Variants in PRKAR1B observed in about 807,000 individuals in gnomAD.
PRKAR1B encodes the protein cAMP-dependent protein kinase type I-beta regulatory subunit.
PRKAR1B carries 22 observed loss-of-function variants against 46.5 expected under a neutral mutation model. The ratio of observed to expected loss-of-function variants is 0.47; its 90% CI spans 0.34 to 0.68. The LOEUF (loss-of-function observed/expected upper bound fraction) is 0.68. PRKAR1B is among the 30% of genes least tolerant of loss of function. The pLI, the probability that PRKAR1B is intolerant of heterozygous loss-of-function variation, is 0.01. For synonymous variants in PRKAR1B, 259 were observed against 217.7 expected (o/e 1.19, Z -1.67); for missense variants, 445 against 535.6 (o/e 0.83, Z 1.67).
intron 9 of PRKAR1B, among the ~76,000 whole-genome samples, chr7:562,449 C>T (rs1299712399): frequency 2.0e-5 from 3 of 152,188 alleles, no homozygotes; most frequent in Admixed American, 6.5e-5. Context: ...TCCTCCCAGA[C>T]GACGGCAGAC....
At chr7:635,196 A>C (rs1415767411) in intron 4 of PRKAR1B, among the ~76,000 whole-genome samples, 4 of 152,256 alleles carry the variant, frequency 2.6e-5, no homozygotes, top group Non-Finnish European at 5.9e-5. Flanking sequence ...GGAAAAATCA[A>C]GATCTGACAC....
intron 4 of PRKAR1B, among the ~76,000 whole-genome samples, chr7:620,031 T>TC (rs1783032261): frequency 6.6e-6 from 1 of 150,942 alleles, no homozygotes; most frequent in Admixed American, 6.6e-5. Context: ...TTTTTTTTTT[T>TC]TTTTTAGAGA....
At chr7:607,888 G>A (rs1782197008) in intron 4 of PRKAR1B, 1 of 188,622 alleles carries the variant, frequency 5.3e-6, no homozygotes, top group South Asian at 9.7e-5. Flanking sequence ...AGTCGAAGGA[G>A]CCTGGGACCC....
chr7:684,875 G>GAC (rs142305067), intron 2 of PRKAR1B, among the ~76,000 whole-genome samples: 7,378 of 145,446 alleles, frequency 0.051, 251 homozygotes, highest in African/African-American at 0.099. Flanking sequence ...ACTTCACACA[G>GAC]ACACACACAC....
chr7:585,683 G>T (rs1281906844), intron 7 of PRKAR1B, among the ~76,000 whole-genome samples: 1 of 152,042 alleles, frequency 6.6e-6, no homozygotes, highest in Non-Finnish European at 1.5e-5. Flanking sequence ...GACCCACATC[G>T]ACCTCGCAAC....
At chr7:656,873 A>G (rs1042517057) in intron 4 of PRKAR1B, among the ~76,000 whole-genome samples, 2 of 151,772 alleles carry the variant, frequency 1.3e-5, no homozygotes, top group Admixed American at 6.6e-5. Flanking sequence ...GAATGGGTGA[A>G]CAGATGAATG....
intron 9 of PRKAR1B, among the ~76,000 whole-genome samples, chr7:578,258 G>A (rs577678078): frequency 2.3e-4 from 28 of 122,304 alleles, no homozygotes; most frequent in South Asian, 6.9e-4. Flanking sequence ...AATTCCTGCC[G>A]TGTCCTCAGG....
intron 9 of PRKAR1B, among the ~76,000 whole-genome samples, chr7:558,755 A>G (rs1317966316): frequency 6.6e-6 from 1 of 152,092 alleles, no homozygotes; most frequent in East Asian, 1.9e-4. Context: ...TCCATCTCAA[A>G]AAAAGAAAAA....
At chr7:553,500 C>G (rs1296095813) in intron 9 of PRKAR1B, among the ~76,000 whole-genome samples, 1 of 152,234 alleles carries the variant, frequency 6.6e-6, no homozygotes, top group East Asian at 1.9e-4. Context: ...AAGGTGGCAG[C>G]ACCTGCAGCC....
At chr7:669,634 C>G (rs1040118782) in intron 4 of PRKAR1B, among the ~76,000 whole-genome samples, 2 of 149,744 alleles carry the variant, frequency 1.3e-5, no homozygotes, top group African/African-American at 4.9e-5. Flanking sequence ...TGTGGTGGCG[C>G]ACACCTGTAA....
chr7:570,700 C>T (rs968573760), intron 9 of PRKAR1B, among the ~76,000 whole-genome samples: 2 of 152,216 alleles, frequency 1.3e-5, no homozygotes, highest in Non-Finnish European at 2.9e-5. Context: ...CCGGCCATTG[C>T]GGCCGTCACA....
At chr7:709,318 T>C (rs192526103) in intron 2 of PRKAR1B, among the ~76,000 whole-genome samples, 1 of 151,760 alleles carries the variant, frequency 6.6e-6, no homozygotes, top group Non-Finnish European at 1.5e-5. Flanking sequence ...CACGTATGCA[T>C]GTATGTATGT....
At chr7:658,703 T>C (rs1031896432) in intron 4 of PRKAR1B, among the ~76,000 whole-genome samples, 5 of 152,132 alleles carry the variant, frequency 3.3e-5, no homozygotes, top group Non-Finnish European at 2.9e-5. Context: ...CAGGCTGGAG[T>C]GCAGTGGTGC....
intron 2 of PRKAR1B, among the ~76,000 whole-genome samples, chr7:685,318 G>GTATA (rs1491531000): frequency 4.0e-4 from 15 of 37,906 alleles, no homozygotes; most frequent in African/African-American, 1.4e-3. Flanking sequence ...GTATATATAC[G>GTATA]TATATATACG....
intron 1 of PRKAR1B, chr7:726,597 T>G (rs984981640): frequency 2.7e-5 from 20 of 735,434 alleles, no homozygotes; most frequent in Non-Finnish European, 3.5e-5. Context: ...CAGGCCCACG[T>G]GCGCACCGGC....
In PRKAR1B at chr7:645,507, C is replaced by T. The variant is rs538487070; in HGVS notation, c.440+31722G>A. Among the ~76,000 whole-genome samples the T allele has an allele frequency of 1.1e-4, 16 of 152,174 alleles. No individual in the cohort carries two copies. In the South Asian group the frequency reaches 3.3e-3, roughly 32 times the overall value. Reference sequence around the variant, plus strand: ...CTCTACTAAAAATAAAAATAATTAGCCGGGTGTGATGGCGAGCCCCTGTGG... The same window carrying T: ...CTCTACTAAAAATAAAAATAATTAGTCGGGTGTGATGGCGAGCCCCTGTGG... On this transcript the variant is annotated intron_variant, in intron 4 of 10. Coordinates refer to ENST00000537384, the MANE Select transcript of PRKAR1B (RefSeq NM_001164760.2).
intron 4 of PRKAR1B, among the ~76,000 whole-genome samples, chr7:670,702 A>G (rs1227670878): frequency 6.7e-6 from 1 of 149,422 alleles, no homozygotes; most frequent in Non-Finnish European, 1.5e-5. Context: ...GAGCTCCCCC[A>G]CGCCACAGCA....
intron 8 of PRKAR1B, among the ~76,000 whole-genome samples, chr7:582,169 G>A (rs200979487): frequency 1.6e-3 from 248 of 152,194 alleles, no homozygotes; most frequent in Middle Eastern, 3.4e-3. Flanking sequence ...GCCCAGGGGG[G>A]AACCCATCGT....
intron 4 of PRKAR1B, among the ~76,000 whole-genome samples, chr7:643,489 G>T (rs113772439): frequency 2.6e-5 from 4 of 151,424 alleles, no homozygotes; most frequent in Admixed American, 2.6e-4. Flanking sequence ...TTGGGAGGCC[G>T]AGGCAGGCAG....
Sources: allele counts gnomAD v4.1 joint callset (sites outside exome capture counted in the v4.1 genomes callset), GRCh38; gene constraint gnomAD v4.1.1; transcripts MANE v1.5; gene names NCBI Gene and HGNC (gene_info 2026-07-23, HGNC 2026-07-21).